The following IFT52 variants were observed in gnomAD, a reference collection of about 807,000 sequenced individuals.
The protein encoded by IFT52 is intraflagellar transport 52.
Under a neutral mutation model 54.4 loss-of-function variants are expected in IFT52, and 44 were observed. The observed-to-expected ratio is 0.81, with a 90% CI of 0.63 to 1.04. The LOEUF (loss-of-function observed/expected upper bound fraction) is 1.04. Among genes scored for constraint, IFT52 ranks in the 50% least tolerant of loss-of-function variants. IFT52 has a pLI of 0.00. For missense variants in IFT52, 452 were observed against 523.6 expected (o/e 0.86, Z 1.33); for synonymous variants, 181 against 185.3 (o/e 0.98, Z 0.19).
At chr20:43,616,329 A>C (rs1047364335) in intron 7 of IFT52, among the ~76,000 whole-genome samples, 1 of 151,952 alleles carries the variant, frequency 6.6e-6, no homozygotes, top group Non-Finnish European at 1.5e-5. Context: ...CAACATAGTG[A>C]AACCTTGTCT....
chr20:43,640,410 A>C (rs146532931), intron 12 of IFT52, among the ~76,000 whole-genome samples: 72 of 152,306 alleles, frequency 4.7e-4, no homozygotes, highest in African/African-American at 1.7e-3. Context: ...CAGTAAGCCA[A>C]GATCACGCCA....
intron 3 of IFT52, among the ~76,000 whole-genome samples, chr20:43,600,587 G>C (rs985132458): frequency 5.3e-5 from 8 of 152,104 alleles, no homozygotes; most frequent in African/African-American, 1.7e-4. Context: ...AATAAAAAGA[G>C]TATAATTCTT....
At chr20:43,607,325 C>T (rs1346039784) in intron 6 of IFT52, among the ~76,000 whole-genome samples, 4 of 151,504 alleles carry the variant, frequency 2.6e-5, no homozygotes, top group African/African-American at 9.7e-5. Context: ...CCCCACCTCC[C>T]TCCCGGACTG....
Position 43,596,433 on chromosome 20 carries a change from A to G in IFT52, c.120-2A>G. On this transcript the variant is annotated splice_acceptor_variant, in intron 2 of 13. Transcript: ENST00000373030. LOFTEE classifies it high-confidence loss of function. ...TATTTGCTTTTAAAATTGTATTTCC[A>G]GCTTAAAAGATGAAATCACATCTGA... 6.4e-7 allele frequency: 1 copy of G among 1,568,338 alleles called. No homozygotes were observed. The highest frequency in any genetic ancestry group is 8.7e-7 in the Non-Finnish European group (1 of 1,146,356).
intron 3 of IFT52, among the ~76,000 whole-genome samples, chr20:43,598,644 G>A (rs1163887037): frequency 2.6e-5 from 4 of 152,076 alleles, no homozygotes; most frequent in Non-Finnish European, 4.4e-5. Flanking sequence ...GCAGTGAGCC[G>A]AGATTGCGCC....
chr20:43,618,945 A>G lies in IFT52; in HGVS notation c.618A>G (p.Gln206=), dbSNP rs147513232. The change falls in exon 8 of 14, where the codon CAA becomes CAG. Residue 206 remains glutamine (Q), a synonymous_variant. Coordinates refer to ENST00000373030, the MANE Select transcript of IFT52 (RefSeq NM_016004.5). The part of the protein sequence containing the change: ...PILAFYHSKN[Q]GGKLAVLGSC... The stretch of plus-strand genomic sequence containing the variant: ...CCCTGCTTTGTCATCAATAGAACCA[A>G]GGTGGGAAGCTGGCAGTGCTTGGTT... 382 of 1,613,194 alleles carry G rather than the reference A, an allele frequency of 2.4e-4. 1 individual carries two copies. The highest frequency in any genetic ancestry group is 1.0e-4 in the Admixed American group (6 of 59,954).
intron 6 of IFT52, among the ~76,000 whole-genome samples, chr20:43,607,985 A>C (rs563519657): frequency 6.6e-6 from 1 of 152,330 alleles, no homozygotes; most frequent in Non-Finnish European, 1.5e-5. Context: ...TCTCCACCAA[A>C]AAAAATACGA....
At chr20:43,615,474 T>G (rs917549821) in intron 7 of IFT52, among the ~76,000 whole-genome samples, 1 of 152,214 alleles carries the variant, frequency 6.6e-6, no homozygotes, top group Non-Finnish European at 1.5e-5. Context: ...CCTATTTTTC[T>G]TTGTGGTACC....
intron 3 of IFT52, among the ~76,000 whole-genome samples, chr20:43,602,249 C>T (rs1207225916): frequency 6.6e-6 from 1 of 151,844 alleles, no homozygotes. Context: ...ATTGCAACCT[C>T]CGCCTCCCAG....
At chr20:43,606,917 C>G (rs916566557) in intron 6 of IFT52, among the ~76,000 whole-genome samples, 16 of 152,196 alleles carry the variant, frequency 1.1e-4, no homozygotes, top group Non-Finnish European at 2.1e-4. Context: ...GGTCACAGAT[C>G]AACAGGATCC....
At chr20:43,622,378 C>G (rs537256522) in intron 9 of IFT52, among the ~76,000 whole-genome samples, 1 of 151,968 alleles carries the variant, frequency 6.6e-6, no homozygotes, top group East Asian at 1.9e-4. Flanking sequence ...GCGGGCGGAT[C>G]ACGAGGTCAG....
intron 13 of IFT52, among the ~76,000 whole-genome samples, chr20:43,646,403 C>T (rs889612203): frequency 6.6e-6 from 1 of 152,080 alleles, no homozygotes; most frequent in Non-Finnish European, 1.5e-5. Flanking sequence ...TTTTACTCTC[C>T]ACGTCTAGCA....
intron 9 of IFT52, among the ~76,000 whole-genome samples, chr20:43,621,734 A>T (rs936357512): frequency 6.6e-6 from 1 of 152,228 alleles, no homozygotes; most frequent in African/African-American, 2.4e-5. Context: ...AAGTTCTGGG[A>T]TTACAGGCGT....
intron 6 of IFT52, among the ~76,000 whole-genome samples, chr20:43,606,747 T>C (rs1982917414): frequency 6.6e-6 from 1 of 152,190 alleles, no homozygotes; most frequent in South Asian, 2.1e-4. Context: ...TCCGCAGTGT[T>C]TGTGTCCCTG....
intron 6 of IFT52, among the ~76,000 whole-genome samples, chr20:43,605,891 C>T (rs1344164128): frequency 2.0e-5 from 3 of 152,108 alleles, no homozygotes; most frequent in African/African-American, 7.2e-5. Context: ...TATTCTAGAG[C>T]CTGCACTCTT....
chr20:43,606,623 G>C (rs1982905066), intron 6 of IFT52, among the ~76,000 whole-genome samples: 1 of 151,652 alleles, frequency 6.6e-6, no homozygotes. Flanking sequence ...ATTCTTGGGT[G>C]TTTCTCGCAG....
Position 43,613,950 on chromosome 20 carries a change from C to T in IFT52, c.586C>T (p.Pro196Ser). 2 of 1,613,918 alleles carry T rather than the reference C, an allele frequency of 1.2e-6. No homozygotes were observed. Among genetic ancestry groups the T allele is most frequent in the Non-Finnish European group, 1.7e-6 (2 of 1,179,840 alleles). ...TTCTGTCTGCTTCCCACTTAACAGA[C>T]CCATTTTGGCTTTCTATCACTCAAA... ...TGSVCFPLNR[P>S]ILAFYHSKNQ... The change falls in exon 7 of 14, where the codon CCC becomes TCC. Residue 196 changes from proline to serine, a missense_variant. Transcript: ENST00000373030.
chr20:43,625,318 G>A (rs1984636867), intron 10 of IFT52, among the ~76,000 whole-genome samples: 1 of 152,036 alleles, frequency 6.6e-6, no homozygotes, highest in Non-Finnish European at 1.5e-5. Flanking sequence ...AGACCAGCCT[G>A]GCCAACATGG....
chr20:43,635,115 C>T (rs1002254233), intron 10 of IFT52, among the ~76,000 whole-genome samples: 2 of 151,354 alleles, frequency 1.3e-5, no homozygotes, highest in Admixed American at 1.3e-4. Context: ...TTGCAGTGAG[C>T]CGAGATCGCG....
Sources: allele counts gnomAD v4.1 joint callset (sites outside exome capture counted in the v4.1 genomes callset), GRCh38; gene constraint gnomAD v4.1.1; transcripts MANE v1.5; gene names NCBI Gene and HGNC (gene_info 2026-07-23, HGNC 2026-07-21).